The following MSH3 variants were observed in gnomAD, a reference collection of about 807,000 sequenced individuals.
MSH3 encodes mutS homolog 3.
MSH3 carries 106 observed loss-of-function variants against 123.3 expected under a neutral mutation model. The observed-to-expected ratio is 0.86, with a 90% CI of 0.73 to 1.01. MSH3 has a LOEUF of 1.01. MSH3 is among the 50% of genes least tolerant of loss of function. The pLI, the probability that MSH3 is intolerant of heterozygous loss-of-function variation, is 0.00. For synonymous variants in MSH3, 515 were observed against 481.4 expected (o/e 1.07, Z -0.91); for missense variants, 1,459 against 1,347.6 (o/e 1.08, Z -1.29).
intron 20 of MSH3, among the ~76,000 whole-genome samples, chr5:80,816,043 A>T (rs551801061): frequency 6.0e-4 from 92 of 152,362 alleles, no homozygotes; most frequent in African/African-American, 1.9e-3. Flanking sequence ...CTTCTAAACC[A>T]TGCTGATTTC....
At chr5:80,784,481 G>C (rs184984017) in intron 17 of MSH3, among the ~76,000 whole-genome samples, 1 of 151,986 alleles carries the variant, frequency 6.6e-6, no homozygotes, top group Non-Finnish European at 1.5e-5. Flanking sequence ...TTTGATACAG[G>C]CATGCAATGT....
intron 8 of MSH3, among the ~76,000 whole-genome samples, chr5:80,715,632 G>C (rs112529041): frequency 0.01 from 1,527 of 152,178 alleles, 26 homozygotes; most frequent in African/African-American, 0.035. Context: ...TTGGTTCAGG[G>C]TTCCATAGGC....
chr5:80,821,834 CTTG>C (rs1215356099), intron 20 of MSH3, among the ~76,000 whole-genome samples: 2 of 152,226 alleles, frequency 1.3e-5, no homozygotes, highest in African/African-American at 2.4e-5. Context: ...GCTTGCTTCC[CTTG>C]TTGTATGCAC....
chr5:80,662,091 A>G (rs963774010), intron 2 of MSH3, among the ~76,000 whole-genome samples: 15 of 152,228 alleles, frequency 9.9e-5, no homozygotes, highest in Admixed American at 6.5e-5. Flanking sequence ...TTAATCTCAT[A>G]AGATTATAAT....
At chr5:80,741,218 C>G (rs1314083531) in intron 10 of MSH3, among the ~76,000 whole-genome samples, 1 of 152,060 alleles carries the variant, frequency 6.6e-6, no homozygotes, top group Non-Finnish European at 1.5e-5. Flanking sequence ...ACCATTACTT[C>G]CCTTTCCTGT....
intron 8 of MSH3, among the ~76,000 whole-genome samples, chr5:80,687,980 A>C (rs1750131038): frequency 6.6e-6 from 1 of 152,238 alleles, no homozygotes; most frequent in African/African-American, 2.4e-5. Context: ...AGCTAGGTGG[A>C]GAACCAGGAC....
intron 2 of MSH3, among the ~76,000 whole-genome samples, chr5:80,656,839 T>C (rs937833566): frequency 2.0e-5 from 3 of 152,166 alleles, no homozygotes; most frequent in Admixed American, 6.5e-5. Context: ...AGTACAGAAA[T>C]GTGGAAGGTA....
intron 1 of MSH3, chr5:80,655,604 GA>G: frequency 5.5e-6 from 1 of 183,464 alleles, no homozygotes; most frequent in Non-Finnish European, 1.2e-5. Flanking sequence ...TTTTAAACCA[GA>G]GATACTGCCA....
chr5:80,783,499 C>T (rs1373463351), intron 17 of MSH3, among the ~76,000 whole-genome samples: 1 of 152,108 alleles, frequency 6.6e-6, no homozygotes, highest in Non-Finnish European at 1.5e-5. Flanking sequence ...CTTATTTATA[C>T]CATTGACATC....
chr5:80,696,757 T>C (rs1471790926), intron 8 of MSH3, among the ~76,000 whole-genome samples: 1 of 152,162 alleles, frequency 6.6e-6, no homozygotes. Flanking sequence ...ATTTTAGAGA[T>C]TGCTCTATGT....
chr5:80,864,309 A>AT (rs1561503340), intron 21 of MSH3, among the ~76,000 whole-genome samples: 1 of 152,200 alleles, frequency 6.6e-6, no homozygotes, highest in African/African-American at 2.4e-5. Flanking sequence ...GCAAAACAGC[A>AT]TAAGTGCCCC....
At chr5:80,827,483 T>C (rs1278470350) in intron 20 of MSH3, among the ~76,000 whole-genome samples, 1 of 152,258 alleles carries the variant, frequency 6.6e-6, no homozygotes, top group Non-Finnish European at 1.5e-5. Context: ...GGAGTATTTG[T>C]ACTCTATACA....
chr5:80,718,582 A>G (rs1327968299), intron 8 of MSH3, among the ~76,000 whole-genome samples: 1 of 148,662 alleles, frequency 6.7e-6, no homozygotes, highest in Non-Finnish European at 1.5e-5. Flanking sequence ...ATATCCATAG[A>G]GTTTAAGATA....
intron 18 of MSH3, among the ~76,000 whole-genome samples, chr5:80,788,128 A>C (rs1162104522): frequency 6.6e-6 from 1 of 152,212 alleles, no homozygotes. Context: ...ATGTTAGCAC[A>C]AACAAATCTA....
At chr5:80,859,222 G>A (rs1158108243) in intron 21 of MSH3, among the ~76,000 whole-genome samples, 1 of 152,148 alleles carries the variant, frequency 6.6e-6, no homozygotes, top group Non-Finnish European at 1.5e-5. Context: ...CCAGATTCAA[G>A]TGATTCTTGT....
chr5:80,659,586 CCCTTTTCTAAAAATATT>C (rs558394848), intron 2 of MSH3, among the ~76,000 whole-genome samples: 284 of 152,220 alleles, frequency 1.9e-3, no homozygotes, highest in African/African-American at 6.6e-3. Context: ...GTACTTCATT[CCCTTTTCTAAAAATATT>C]CATTTTCTTT....
At chr5:80,794,972 GT>G (rs1465620228) in intron 19 of MSH3, among the ~76,000 whole-genome samples, 2 of 152,172 alleles carry the variant, frequency 1.3e-5, no homozygotes, top group African/African-American at 4.8e-5. Context: ...CAGCCAGCCA[GT>G]TTTCATTTTA....
chr5:80,655,024 A>AAGGCGGGCGG, intron 1 of MSH3, 60 bp downstream of exon 1: 5 of 1,086,696 alleles, frequency 4.6e-6, no homozygotes, highest in Non-Finnish European at 5.0e-6. Context: ...GCTTGTGGGT[A>AAGGCGGGCGG]AGGCGGGCGG....
chr5:80,863,254 T>C (rs557048611), intron 21 of MSH3, among the ~76,000 whole-genome samples: 14 of 152,320 alleles, frequency 9.2e-5, no homozygotes, highest in Middle Eastern at 3.4e-3. Context: ...CAAATATGAG[T>C]GACCATGGCC....
Sources: allele counts gnomAD v4.1 joint callset (sites outside exome capture counted in the v4.1 genomes callset), GRCh38; gene constraint gnomAD v4.1.1; transcripts MANE v1.5; gene names NCBI Gene and HGNC (gene_info 2026-07-23, HGNC 2026-07-21).